Variants in MYO5C observed in about 807,000 individuals in gnomAD.
MYO5C encodes the protein myosin VC.
A neutral mutation model predicts 235.7 loss-of-function variants in MYO5C; 194 were observed. The observed-to-expected ratio is 0.82, with a 90% CI of 0.73 to 0.93. MYO5C has a LOEUF of 0.93. Ranked by LOEUF, MYO5C falls within the 40% of genes least tolerant of loss-of-function variation. The pLI is 0.00. For synonymous variants in MYO5C, 707 were observed against 754.8 expected, an observed-to-expected ratio of 0.94 and a Z score of 1.04; for missense variants, 2,038 against 2,127.2, an observed-to-expected ratio of 0.96 and a Z score of 0.82.
At chr15:52,200,257 C>T (rs2035156543) in intron 38 of MYO5C, among the ~76,000 whole-genome samples, 1 of 152,118 alleles carries the variant, frequency 6.6e-6, no homozygotes, top group Non-Finnish European at 1.5e-5. Context: ...TATTGACATT[C>T]TCCATATGAT....
intron 21 of MYO5C, among the ~76,000 whole-genome samples, chr15:52,239,222 A>G (rs1851183525): frequency 6.6e-6 from 1 of 152,200 alleles, no homozygotes; most frequent in South Asian, 2.1e-4. Context: ...AAGTGCTGGG[A>G]TTACAGGTGT....
intron 29 of MYO5C, among the ~76,000 whole-genome samples, chr15:52,221,472 C>T (rs1034001226): frequency 3.3e-5 from 5 of 152,136 alleles, no homozygotes; most frequent in African/African-American, 1.2e-4. Flanking sequence ...AAGCAGTTCT[C>T]ACACAGCTAC....
At chr15:52,285,461 G>A (rs139668152) in intron 1 of MYO5C, among the ~76,000 whole-genome samples, 5,058 of 114,014 alleles carry the variant, frequency 0.044, 124 homozygotes, top group South Asian at 0.081. Context: ...TCCCTCTCCC[G>A]TCTCCCTCCT....
At chr15:52,275,801 A>C in intron 4 of MYO5C, 83 bp from the exon 5 acceptor site, 2 of 1,323,666 alleles carry the variant, frequency 1.5e-6, no homozygotes, top group Admixed American at 1.8e-5. Flanking sequence ...TGTGGACAAG[A>C]CAAAAGAGGG....
At chr15:52,243,066 G>GT (rs750911771) in intron 19 of MYO5C, 20 of 152,212 alleles carry the variant, frequency 1.3e-4, no homozygotes, top group Non-Finnish European at 2.8e-4. Flanking sequence ...CTAGGTCTGG[G>GT]TATGAATGAC....
At chr15:52,254,580 G>A (rs556336407) in intron 11 of MYO5C, among the ~76,000 whole-genome samples, 2 of 151,930 alleles carry the variant, frequency 1.3e-5, no homozygotes, top group African/African-American at 4.8e-5. Context: ...TTTCTGTGCT[G>A]ACAATTGAAG....
At chr15:52,257,051 C>T (rs1355541075) in intron 10 of MYO5C, among the ~76,000 whole-genome samples, 9 of 152,136 alleles carry the variant, frequency 5.9e-5, no homozygotes, top group Admixed American at 1.3e-4. Context: ...AAAATAAGCC[C>T]GAGAGGTTAA....
Position 52,292,638 on chromosome 15 carries a change from C to A in MYO5C, c.27+2972G>T, listed in dbSNP as rs1441509998. 2.0e-5 allele frequency among the ~76,000 whole-genome samples: 3 copies of A among 152,368 alleles called. No homozygotes were observed. In the East Asian group the frequency reaches 5.8e-4, roughly 29 times the overall value. Reference sequence around the variant, plus strand: ...AAGCAAAAACGTTCAGTCATGCACACAGGTGCACATCAAACATTTATGAAG... The same window carrying A: ...AAGCAAAAACGTTCAGTCATGCACAAAGGTGCACATCAAACATTTATGAAG... On this transcript the variant is annotated intron_variant, in intron 1 of 40. Coordinates refer to ENST00000261839, the MANE Select transcript of MYO5C (RefSeq NM_018728.4).
chr15:52,249,610 G>A (rs1180425964), intron 13 of MYO5C, among the ~76,000 whole-genome samples: 2 of 152,206 alleles, frequency 1.3e-5, no homozygotes, highest in African/African-American at 4.8e-5. Flanking sequence ...TTAAGATCCA[G>A]GAACACCGGC....
chr15:52,198,669 T>C (rs1159073539), intron 38 of MYO5C, among the ~76,000 whole-genome samples: 1 of 149,982 alleles, frequency 6.7e-6, no homozygotes, highest in Non-Finnish European at 1.5e-5. Flanking sequence ...GCAACCTCCA[T>C]GTCCTGGGTT....
At chr15:52,255,819 T>G (rs1012789930) in intron 11 of MYO5C, among the ~76,000 whole-genome samples, 2 of 152,100 alleles carry the variant, frequency 1.3e-5, no homozygotes, top group Admixed American at 6.5e-5. Context: ...AGCACTTAAC[T>G]TGGTACCTGG....
intron 32 of MYO5C, among the ~76,000 whole-genome samples, chr15:52,216,198 A>G (rs971733159): frequency 6.6e-6 from 1 of 151,974 alleles, no homozygotes; most frequent in African/African-American, 2.4e-5. Context: ...TAAGATCTCT[A>G]TTAATTATTA....
At position 52,235,723 on chromosome 15, in the gene MYO5C, G is replaced by T; in HGVS notation, c.2909C>A (p.Thr970Lys). Reference sequence around the variant, plus strand: ...CTTCAGCTGTATTTGTTCTTTCTGTGTTTCCAGTTCTGAATTATGCTTCTG... The same window carrying T: ...CTTCAGCTGTATTTGTTCTTTCTGTTTTTCCAGTTCTGAATTATGCTTCTG... ...KLQKHNSELE[T>K]QKEQIQLKLQ... Residue 970 changes from threonine (T) to lysine (K), a missense_variant, in exon 23 of 41, where the codon ACA (threonine) becomes AAA (lysine). Coordinates refer to ENST00000261839, the MANE Select transcript of MYO5C (RefSeq NM_018728.4). 6.2e-7 allele frequency: 1 copy of T among 1,612,142 alleles called. No homozygotes were observed. Among genetic ancestry groups the T allele is most frequent in the Non-Finnish European group, 8.5e-7 (1 of 1,179,068 alleles).
chr15:52,223,527 C>A lies in MYO5C; in HGVS notation c.3627+17G>T, dbSNP rs773732253. 1 of 1,606,068 alleles carries A rather than the reference C, an allele frequency of 6.2e-7. No homozygotes were observed. The highest frequency in any genetic ancestry group is 8.5e-7 in the Non-Finnish European group (1 of 1,175,538). On this transcript the variant is annotated intron_variant, in intron 29 of 40. Transcript: ENST00000261839. ...TAGTATGATGGCCACGACTGGGGCCCCTGGCTGAGACCATACCATGTTCTC... is the reference window on the plus strand; with the variant it reads ...TAGTATGATGGCCACGACTGGGGCCACTGGCTGAGACCATACCATGTTCTC...
chr15:52,286,784 C>T (rs986838758), intron 1 of MYO5C, among the ~76,000 whole-genome samples: 6 of 151,932 alleles, frequency 3.9e-5, no homozygotes, highest in East Asian at 1.9e-4. Context: ...ATCTCAAGTA[C>T]CCAGGGACAC....
At chr15:52,289,189 C>A (rs1158152834) in intron 1 of MYO5C, among the ~76,000 whole-genome samples, 1 of 151,278 alleles carries the variant, frequency 6.6e-6, no homozygotes, top group Non-Finnish European at 1.5e-5. Context: ...GCCCCTCCCA[C>A]TGCCCCCCAT....
intron 36 of MYO5C, among the ~76,000 whole-genome samples, chr15:52,206,412 A>C (rs1403136654): frequency 6.6e-6 from 1 of 152,222 alleles, no homozygotes; most frequent in African/African-American, 2.4e-5. Flanking sequence ...CCTAAAAATC[A>C]TACATTGAAG....
In MYO5C at chr15:52,251,604, G is replaced by A. The variant is rs1381297580; in HGVS notation, c.1537-89C>T. 3.1e-6 allele frequency: 3 copies of A among 972,834 alleles called. No individual in the cohort carries two copies. The African/African-American group carries it at 5.0e-5, about 16-fold the overall frequency. 60.3% of individuals were successfully genotyped at this position (972,834 alleles called of 1,614,324 possible). A position where few individuals can be genotyped will look rare whatever the true frequency, so the allele number is the denominator to read the frequency against. ...AGCACTAATTCTAAGAAACCAAGGT[G>A]ATTTGGCACTTAGTGAACTGCTCTC... On this transcript the variant is annotated intron_variant, in intron 12 of 40. Coordinates refer to ENST00000261839, the MANE Select transcript of MYO5C (RefSeq NM_018728.4).
At chr15:52,229,384 G>A in intron 24 of MYO5C, 71 bp from the exon 25 acceptor site, 2 of 1,463,650 alleles carry the variant, frequency 1.4e-6, no homozygotes, top group Non-Finnish European at 1.9e-6. Context: ...CAGCACTTTG[G>A]GAGGCCAAGG....
Sources: allele counts gnomAD v4.1 joint callset (sites outside exome capture counted in the v4.1 genomes callset), GRCh38; gene constraint gnomAD v4.1.1; transcripts MANE v1.5; gene names NCBI Gene and HGNC (gene_info 2026-07-23, HGNC 2026-07-21).